NELL1: variants seen among roughly 807,000 people sequenced by gnomAD.
NELL1 encodes protein kinase C-binding protein NELL1.
In NELL1, 76 loss-of-function variants were observed where a neutral mutation model predicts 107.4. The ratio of observed to expected loss-of-function variants is 0.71; its 90% CI spans 0.59 to 0.86. The LOEUF (loss-of-function observed/expected upper bound fraction) is 0.86, where lower values mean the gene tolerates loss of function less well. Among genes scored for constraint, NELL1 ranks in the 40% least tolerant of loss-of-function variants. The pLI, the probability that NELL1 is intolerant of heterozygous loss-of-function variation, is 0.00. For missense variants in NELL1, 1,024 were observed against 1,005.5 expected (o/e 1.02, Z -0.25); for synonymous variants, 353 against 341.2 (o/e 1.03, Z -0.38).
intron 3 of NELL1, among the ~76,000 whole-genome samples, chr11:20,807,357 T>C (rs767760427): frequency 6.6e-6 from 1 of 152,174 alleles, no homozygotes; most frequent in Non-Finnish European, 1.5e-5. Context: ...ATTCTCTGGA[T>C]TGCCAGGCTG....
intron 14 of NELL1, among the ~76,000 whole-genome samples, chr11:21,341,522 T>G (rs932688319): frequency 6.6e-6 from 1 of 152,176 alleles, no homozygotes; most frequent in Non-Finnish European, 1.5e-5. Flanking sequence ...TTTATGACTG[T>G]AGGAGTCTGG....
At chr11:20,869,826 G>C (rs1457444487) in intron 4 of NELL1, among the ~76,000 whole-genome samples, 26 of 152,184 alleles carry the variant, frequency 1.7e-4, no homozygotes, top group Admixed American at 1.7e-3. Flanking sequence ...TCTGAGTTTA[G>C]AATTGCTTGC....
At chr11:20,906,440 C>T (rs1032446918) in intron 5 of NELL1, among the ~76,000 whole-genome samples, 1 of 152,088 alleles carries the variant, frequency 6.6e-6, no homozygotes, top group African/African-American at 2.4e-5. Flanking sequence ...GAACATCAAT[C>T]CTTCTTAAAC....
intron 12 of NELL1, among the ~76,000 whole-genome samples, chr11:20,965,004 G>T (rs769067467): frequency 6.6e-6 from 1 of 152,028 alleles, no homozygotes. Context: ...TACCTTGTGC[G>T]TAATAGCGTA....
Position 21,149,185 on chromosome 11 carries a change from G to A in NELL1, c.1426+35471G>A, listed in dbSNP as rs184248317. ...GCTCTGTTGATGGCCTGGCTGCTGA[G>A]GAGTCTTAAATCTATATCTTAGTAT... On this transcript the variant is annotated intron_variant, in intron 13 of 19. Transcript: ENST00000357134. 2.4e-3 allele frequency among the ~76,000 whole-genome samples: 364 copies of A among 152,258 alleles called. 1 individual carries two copies. The highest frequency in any genetic ancestry group is 8.5e-3 in the African/African-American group (353 of 41,558).
intron 2 of NELL1, among the ~76,000 whole-genome samples, chr11:20,718,313 C>A (rs570612733): frequency 1.3e-5 from 2 of 152,174 alleles, no homozygotes; most frequent in African/African-American, 4.8e-5. Context: ...ATTTAAGTAG[C>A]CACATGTGGC....
intron 15 of NELL1, among the ~76,000 whole-genome samples, chr11:21,373,064 G>T (rs1851393085): frequency 6.6e-6 from 1 of 151,986 alleles, no homozygotes; most frequent in African/African-American, 2.4e-5. Flanking sequence ...TTGAACTCTT[G>T]CACAGTCATC....
chr11:21,339,417 C>G (rs964845661), intron 14 of NELL1, among the ~76,000 whole-genome samples: 1 of 152,186 alleles, frequency 6.6e-6, no homozygotes, highest in Admixed American at 6.5e-5. Context: ...AGCTTGATTT[C>G]AGACTTCAGC....
At chr11:21,181,999 G>GTTA (rs1167828709) in intron 13 of NELL1, among the ~76,000 whole-genome samples, 2 of 151,872 alleles carry the variant, frequency 1.3e-5, no homozygotes, top group Non-Finnish European at 2.9e-5. Context: ...AGTAAATACT[G>GTTA]TTATTATCCC....
chr11:20,704,462 T>C (rs1262850588), intron 2 of NELL1, among the ~76,000 whole-genome samples: 1 of 152,238 alleles, frequency 6.6e-6, no homozygotes, highest in Non-Finnish European at 1.5e-5. Flanking sequence ...TTATCCAATT[T>C]GCCAGTCTGT....
intron 15 of NELL1, among the ~76,000 whole-genome samples, chr11:21,436,190 G>A (rs1289930269): frequency 6.6e-6 from 1 of 152,078 alleles, no homozygotes; most frequent in Non-Finnish European, 1.5e-5. Flanking sequence ...AAGTAGGTGG[G>A]ACTACAGGTG....
intron 15 of NELL1, among the ~76,000 whole-genome samples, chr11:21,490,557 A>G (rs1480220031): frequency 6.6e-6 from 1 of 152,010 alleles, no homozygotes; most frequent in Non-Finnish European, 1.5e-5. Context: ...ATATATTACA[A>G]GGCTATAGTA....
In NELL1 at chr11:21,096,815, A is replaced by G. The variant is rs190765606; in HGVS notation, c.1301-16774A>G. Among the ~76,000 whole-genome samples, 347 of 152,092 alleles carry G rather than the reference A, an allele frequency of 2.3e-3. 3 individuals are homozygous for G. Among genetic ancestry groups the G allele is most frequent in the African/African-American group, 8.1e-3 (334 of 41,488 alleles). The stretch of plus-strand genomic sequence containing the variant: ...CTATAGCCTTGACCTCCTGTAAGTG[A>G]TTCTCCCACCTCAGCCTCCTAGGTA... On this transcript the variant is annotated intron_variant, in intron 12 of 19. Coordinates refer to ENST00000357134, the MANE Select transcript of NELL1 (RefSeq NM_006157.5).
chr11:21,276,685 G>C (rs911973091), intron 14 of NELL1, among the ~76,000 whole-genome samples: 2 of 152,124 alleles, frequency 1.3e-5, no homozygotes, highest in Non-Finnish European at 2.9e-5. Context: ...GCATGGTACT[G>C]GTGCCAAAAC....
At chr11:21,403,067 C>G (rs1166397626) in intron 15 of NELL1, among the ~76,000 whole-genome samples, 1 of 151,676 alleles carries the variant, frequency 6.6e-6, no homozygotes, top group East Asian at 2.0e-4. Flanking sequence ...GCACTGTTTG[C>G]TGCTGAGGTG....
intron 10 of NELL1, among the ~76,000 whole-genome samples, chr11:20,942,430 T>C (rs1590443910): frequency 6.6e-6 from 1 of 152,222 alleles, no homozygotes; most frequent in Non-Finnish European, 1.5e-5. Context: ...ACAAGGGCTT[T>C]AATGATCTCT....
intron 14 of NELL1, among the ~76,000 whole-genome samples, chr11:21,337,764 C>A (rs1454511844): frequency 1.6e-4 from 23 of 142,212 alleles, no homozygotes; most frequent in Admixed American, 1.4e-3. Context: ...TTCTTTCTTT[C>A]TTTCTTTCTT....
chr11:21,159,823 C>A (rs1287896799), intron 13 of NELL1, among the ~76,000 whole-genome samples: 1 of 152,190 alleles, frequency 6.6e-6, no homozygotes, highest in African/African-American at 2.4e-5. Flanking sequence ...TATCTGTTCT[C>A]CCCTTGCTTG....
intron 15 of NELL1, among the ~76,000 whole-genome samples, chr11:21,402,572 G>A (rs923470794): frequency 6.6e-6 from 1 of 151,386 alleles, no homozygotes; most frequent in South Asian, 2.1e-4. Flanking sequence ...GGAAAGAAAA[G>A]CAGAGTTAAG....
Sources: allele counts gnomAD v4.1 joint callset (sites outside exome capture counted in the v4.1 genomes callset), GRCh38; gene constraint gnomAD v4.1.1; transcripts MANE v1.5; gene names NCBI Gene and HGNC (gene_info 2026-07-23, HGNC 2026-07-21).